The following HORMAD1 variants were observed in gnomAD, a reference collection of about 807,000 sequenced individuals.
HORMAD1 encodes HORMA domain containing 1, also known as HORMA domain-containing protein 1.
Under a neutral mutation model 58.2 loss-of-function variants are expected in HORMAD1, and 33 were observed. The observed-to-expected ratio is 0.57, with a 90% confidence interval of 0.43 to 0.76. HORMAD1 has a LOEUF of 0.76. Among genes scored for constraint, HORMAD1 ranks in the 30% least tolerant of loss-of-function variants. The pLI is 0.00. For synonymous variants in HORMAD1, 137 were observed against 144.6 expected (o/e 0.95, Z 0.38); for missense variants, 363 against 462.0 (o/e 0.79, Z 1.96).
At chr1:150,711,682 G>T in intron 6 of HORMAD1, 111 bp from the exon 7 acceptor site, 2 of 983,958 alleles carry the variant, frequency 2.0e-6, no homozygotes, top group South Asian at 2.8e-5. Flanking sequence ...AAATAAAAAT[G>T]ACCACCCAAA....
At chr1:150,704,249 T>G (rs1651618505) in intron 11 of HORMAD1, 28 bp downstream of exon 11, 1 of 1,578,706 alleles carries the variant, frequency 6.3e-7, no homozygotes, top group Non-Finnish European at 8.6e-7. Context: ...TGGAAGTGAG[T>G]TAATGTACAT....
intron 3 of HORMAD1, among the ~76,000 whole-genome samples, chr1:150,716,011 A>G (rs11582840): frequency 0.39 from 58,426 of 151,696 alleles, 11,577 homozygotes; most frequent in South Asian, 0.55. Flanking sequence ...TTCATCAACT[A>G]ATAAAGGGAT....
intron 13 of HORMAD1, 55 bp from the exon 14 acceptor site, chr1:150,700,238 C>A (rs1316339155): frequency 2.2e-6 from 2 of 926,332 alleles, no homozygotes; most frequent in African/African-American, 3.3e-5. Flanking sequence ...ACAGCCAACA[C>A]TTGATTTTTC....
chr1:150,702,923 A>G (rs587669867), intron 13 of HORMAD1, among the ~76,000 whole-genome samples: 4 of 152,298 alleles, frequency 2.6e-5, no homozygotes, highest in South Asian at 2.1e-4. Flanking sequence ...AAAAGAAAAA[A>G]AGATCAAGCA....
chr1:150,713,051 A>G (rs1208048771), intron 5 of HORMAD1, among the ~76,000 whole-genome samples: 1 of 151,942 alleles, frequency 6.6e-6, no homozygotes, highest in African/African-American at 2.4e-5. Flanking sequence ...TAAACTTCCA[A>G]TTCTTTGCAT....
chr1:150,710,275 G>A (rs942881837), intron 7 of HORMAD1, among the ~76,000 whole-genome samples: 1 of 152,118 alleles, frequency 6.6e-6, no homozygotes, highest in African/African-American at 2.4e-5. Flanking sequence ...ACATACCTCA[G>A]CAGAGTGGCT....
chr1:150,705,362 C>T (rs745701987), intron 10 of HORMAD1, among the ~76,000 whole-genome samples: 40 of 151,472 alleles, frequency 2.6e-4, no homozygotes, highest in Middle Eastern at 3.4e-3. Context: ...CCTGTCTCTA[C>T]TAAAAATACA....
chr1:150,709,085 A>T, intron 7 of HORMAD1, 124 bp from the exon 8 acceptor site: 1 of 631,888 alleles, frequency 1.6e-6, no homozygotes, highest in Non-Finnish European at 2.8e-6. Flanking sequence ...ATCCCTATTG[A>T]TCCATTGAAA....
intron 3 of HORMAD1, among the ~76,000 whole-genome samples, chr1:150,715,960 G>C (rs986246380): frequency 2.6e-5 from 4 of 151,664 alleles, no homozygotes; most frequent in African/African-American, 9.7e-5. Flanking sequence ...TTGTACATCA[G>C]TGCGGCATTA....
chr1:150,698,599 C>T lies in HORMAD1; in HGVS notation c.*55G>A. On this transcript the variant is annotated 3_prime_UTR_variant, in exon 15 of 15. Coordinates refer to ENST00000361824, the MANE Select transcript of HORMAD1 (RefSeq NM_032132.5). ...GAGTTAGGGAAATATAATATAGGGT[C>T]CTTCAGTTTAAATGGTGAGAAGAAC... 1.1e-6 allele frequency: 1 copy of T among 883,472 alleles called. No homozygotes were observed. 54.7% of individuals were successfully genotyped at this position (883,472 alleles called of 1,614,324 possible).
intron 7 of HORMAD1, 69 bp downstream of exon 7, chr1:150,711,476 A>C: frequency 9.9e-7 from 1 of 1,012,222 alleles, no homozygotes; most frequent in Non-Finnish European, 1.6e-6. Context: ...AGATATTCTT[A>C]TATTATGTTT....
chr1:150,706,831 CTG>C lies in HORMAD1; in HGVS notation c.548-24_548-23del, dbSNP rs750079322. 3.2e-6 allele frequency: 5 copies of C among 1,557,046 alleles called. No homozygotes were observed. The South Asian group carries it at 6.1e-5, about 19-fold the overall frequency. ...GTAACTGCAAAAAAGTAAGTGTAAA[CTG>C]TGCTGTTCATGAAATTAAAGAAAAT... On this transcript the variant is annotated intron_variant, in intron 9 of 14. Coordinates refer to ENST00000361824, the MANE Select transcript of HORMAD1 (RefSeq NM_032132.5).
intron 7 of HORMAD1, among the ~76,000 whole-genome samples, chr1:150,710,072 G>A (rs1651826339): frequency 6.6e-6 from 1 of 152,068 alleles, no homozygotes; most frequent in African/African-American, 2.4e-5. Flanking sequence ...GCCGGTGCAG[G>A]TCCTTGGTAT....
At chr1:150,720,219 G>A (rs1183182566) in intron 1 of HORMAD1, among the ~76,000 whole-genome samples, 2 of 152,078 alleles carry the variant, frequency 1.3e-5, no homozygotes, top group Non-Finnish European at 2.9e-5. Flanking sequence ...GACTCCAGGC[G>A]TGCCACCACG....
chr1:150,700,237 A>T (rs1651496782), intron 13 of HORMAD1, 54 bp from the exon 14 acceptor site: 2 of 949,754 alleles, frequency 2.1e-6, no homozygotes, highest in Non-Finnish European at 3.4e-6. Context: ...AACAGCCAAC[A>T]CTTGATTTTT....
chr1:150,720,452 T>C (rs1161728744), intron 1 of HORMAD1, among the ~76,000 whole-genome samples: 1 of 151,884 alleles, frequency 6.6e-6, no homozygotes, highest in Non-Finnish European at 1.5e-5. Flanking sequence ...GCCGCCCAAC[T>C]TGCTGGGATT....
chr1:150,709,532 C>A (rs1303146080), intron 7 of HORMAD1, among the ~76,000 whole-genome samples: 1 of 152,186 alleles, frequency 6.6e-6, no homozygotes, highest in African/African-American at 2.4e-5. Context: ...GGGACCTCTG[C>A]CCTTGAAAGC....
Position 150,708,391 on chromosome 1 carries a change from C to T in HORMAD1, c.412G>A (p.Glu138Lys), listed in dbSNP as rs746368595. 2.4e-5 allele frequency: 38 copies of T among 1,594,384 alleles called. No individual in the cohort carries two copies. The South Asian group carries it at 2.6e-4, about 11-fold the overall frequency. The part of the protein sequence containing the change: ...MDFISKNQSN[E>K]SSMLSTDTKK... ...GTGTCAGTAGACAACATGCTAGATT[C>T]GTTGCTTTGGTTTTTACTAGAAGAG... Residue 138 changes from glutamate (E) to lysine (K), a missense_variant, in exon 9 of 15, where the codon GAA (glutamate) becomes AAA (lysine). This residue lies in a region of HORMAD1 where 128 missense variants were observed against 171.8 expected (regional missense o/e 0.74). Transcript: ENST00000361824.
Position 150,703,403 on chromosome 1 carries a change from A to G in HORMAD1, c.949-10T>C. 1 of 1,436,464 alleles carries G rather than the reference A, an allele frequency of 7.0e-7. No homozygotes were observed. Among genetic ancestry groups the G allele is most frequent in the Non-Finnish European group, 9.6e-7 (1 of 1,040,620 alleles). 89.0% of individuals were successfully genotyped at this position (1,436,464 alleles called of 1,614,324 possible). ...TGACTAACTGCTCAACCTAAAAAAG[A>G]AAATAATTACAAAAAATATAACTTA... On this transcript the variant is annotated splice_polypyrimidine_tract_variant and intron_variant, in intron 12 of 14. Coordinates refer to ENST00000361824, the MANE Select transcript of HORMAD1 (RefSeq NM_032132.5).
Sources: allele counts gnomAD v4.1 joint callset (sites outside exome capture counted in the v4.1 genomes callset), GRCh38; gene constraint gnomAD v4.1.1; regional missense constraint gnomAD v4.1.1; transcripts MANE v1.5; gene names NCBI Gene and HGNC (gene_info 2026-07-23, HGNC 2026-07-21).